Variants in RIMS4 observed in about 807,000 individuals in gnomAD.
RIMS4 encodes the protein regulating synaptic membrane exocytosis 4.
A neutral mutation model predicts 29.0 loss-of-function variants in RIMS4; 9 were observed. The observed-to-expected ratio is 0.31, with a 90% confidence interval of 0.19 to 0.54. The LOEUF (loss-of-function observed/expected upper bound fraction) is 0.54, where lower values mean the gene tolerates loss of function less well. Among genes scored for constraint, RIMS4 ranks in the 20% least tolerant of loss-of-function variants. The pLI is 0.94. For synonymous variants in RIMS4, 130 were observed against 152.9 expected (o/e 0.85, Z 1.10); for missense variants, 193 against 365.7 (o/e 0.53, Z 3.85).
At position 44,810,221 on chromosome 20, in the gene RIMS4, G is replaced by A. The variant is rs1382120290; in HGVS notation, c.51C>T (p.Leu17=). 4.4e-6 allele frequency: 7 copies of A among 1,579,680 alleles called. 1 individual carries two copies. In the Admixed American group the frequency reaches 1.0e-4, roughly 23 times the overall value. The part of the protein sequence containing the change: ...RLSLSASFEA[L]AIYFPCMNSF... ...AGTTCATGCACGGGAAGTAGATGGC[G>A]AGCGCCTCGAAGGAGGCGGACAGAC... is the stretch of plus-strand genomic sequence containing the variant. The change falls in exon 1 of 6, where the codon CTC becomes CTT. Residue 17 remains leucine (L), a synonymous_variant. Coordinates refer to ENST00000372851, the MANE Select transcript of RIMS4 (RefSeq NM_182970.4).
intron 1 of RIMS4, among the ~76,000 whole-genome samples, chr20:44,803,454 G>C (rs1295010790): frequency 2.6e-5 from 4 of 152,186 alleles, no homozygotes; most frequent in Non-Finnish European, 4.4e-5. Context: ...GGTCCATCCA[G>C]AGAAGGCAGC....
chr20:44,803,282 A>C (rs540813006), intron 1 of RIMS4, among the ~76,000 whole-genome samples: 1 of 152,362 alleles, frequency 6.6e-6, no homozygotes, highest in Admixed American at 6.5e-5. Context: ...ACCTGGACTC[A>C]GAGGTCAGAG....
intron 2 of RIMS4, among the ~76,000 whole-genome samples, chr20:44,759,775 G>A (rs930626050): frequency 6.6e-6 from 1 of 152,254 alleles, no homozygotes; most frequent in Non-Finnish European, 1.5e-5. Context: ...CCTGCCCTCA[G>A]GCAAAACCCA....
intron 1 of RIMS4, among the ~76,000 whole-genome samples, chr20:44,782,480 T>C (rs1159364462): frequency 6.6e-6 from 1 of 152,154 alleles, no homozygotes; most frequent in East Asian, 1.9e-4. Context: ...TTTCACCATG[T>C]TGGCCAGTTT....
chr20:44,759,276 G>A (rs754919925), intron 2 of RIMS4, among the ~76,000 whole-genome samples: 1 of 151,930 alleles, frequency 6.6e-6, no homozygotes, highest in Non-Finnish European at 1.5e-5. Flanking sequence ...TTGAGACAGA[G>A]TTTCCCTCTG....
At chr20:44,762,918 C>T (rs1246028192) in intron 2 of RIMS4, among the ~76,000 whole-genome samples, 3 of 152,224 alleles carry the variant, frequency 2.0e-5, no homozygotes, top group Admixed American at 2.0e-4. Context: ...TTTCAATGTT[C>T]TTATCTGCAA....
intron 1 of RIMS4, among the ~76,000 whole-genome samples, chr20:44,807,796 T>C (rs6031807): frequency 0.25 from 38,712 of 151,978 alleles, 6,690 homozygotes; most frequent in African/African-American, 0.49. Flanking sequence ...ATTCATTATT[T>C]TTCCGGAAAT....
At chr20:44,806,406 G>A (rs936700605) in intron 1 of RIMS4, among the ~76,000 whole-genome samples, 2 of 152,200 alleles carry the variant, frequency 1.3e-5, no homozygotes, top group Admixed American at 6.5e-5. Flanking sequence ...AGGAAGAGCA[G>A]GGAACCAGTG....
intron 1 of RIMS4, among the ~76,000 whole-genome samples, chr20:44,789,698 A>G (rs1359039814): frequency 1.3e-5 from 2 of 152,108 alleles, no homozygotes; most frequent in African/African-American, 2.4e-5. Flanking sequence ...TAGGACTATA[A>G]GCACACGCCA....
chr20:44,774,210 C>G (rs1601027952), intron 1 of RIMS4, among the ~76,000 whole-genome samples: 1 of 152,178 alleles, frequency 6.6e-6, no homozygotes, highest in Non-Finnish European at 1.5e-5. Flanking sequence ...ATCCATCCCA[C>G]GTGGCTGAGA....
chr20:44,752,926 C>G lies in RIMS4; in HGVS notation c.*3208G>C, dbSNP rs1259498496. The stretch of plus-strand genomic sequence containing the variant: ...AGCCCCCAAGGAGAGCTGAGTCTCC[C>G]TGGCAACCCTCTCCCCCAGACCCAG... On this transcript the variant is annotated 3_prime_UTR_variant, in exon 6 of 6. Coordinates refer to ENST00000372851, the MANE Select transcript of RIMS4 (RefSeq NM_182970.4). The G allele has an allele frequency of 6.5e-6, 1 of 152,810 alleles. No homozygotes were observed. The highest frequency in any genetic ancestry group is 1.5e-5 in the Non-Finnish European group (1 of 68,466). The allele number at this position is 152,810 out of a possible 1,614,324, so 9.5% of individuals were successfully genotyped here. A position where few individuals can be genotyped will look rare whatever the true frequency, so the allele number is the denominator to read the frequency against.
At chr20:44,794,924 A>C (rs540511016) in intron 1 of RIMS4, among the ~76,000 whole-genome samples, 23 of 152,188 alleles carry the variant, frequency 1.5e-4, no homozygotes, top group African/African-American at 1.9e-4. Flanking sequence ...AGATTGGCAA[A>C]CCCCAAATCT....
intron 1 of RIMS4, among the ~76,000 whole-genome samples, chr20:44,795,390 C>G (rs1032624328): frequency 2.0e-5 from 3 of 152,172 alleles, no homozygotes; most frequent in Non-Finnish European, 2.9e-5. Flanking sequence ...AATCCCAGCA[C>G]TTTGGGAGGC....
chr20:44,764,255 C>CATCCATCCATCCATCCA (rs1325046131), intron 2 of RIMS4, among the ~76,000 whole-genome samples: 95 of 144,270 alleles, frequency 6.6e-4, no homozygotes, highest in African/African-American at 1.4e-3. Context: ...TCCATCCATC[C>CATCCATCCATCCATCCA]TCCCACAAAC....
chr20:44,775,272 C>T (rs541084827), intron 1 of RIMS4, among the ~76,000 whole-genome samples: 85 of 152,206 alleles, frequency 5.6e-4, no homozygotes, highest in Non-Finnish European at 1.0e-3. Flanking sequence ...ACAATGTGAT[C>T]CTCCTCCAAG....
In RIMS4 at chr20:44,756,892, C is replaced by A; in HGVS notation, c.591+6G>T. On this transcript the variant is annotated splice_donor_region_variant and intron_variant, in intron 5 of 5. Transcript: ENST00000372851. The surrounding 1 kb of genome is among the most constrained non-coding windows in gnomAD (Gnocchi z 5.9). ...ACACACACGTGAGCGCGTCAATGCCCCTCACCTGGAGGACTTTGCCCTGGG... is the reference window on the plus strand; with the variant it reads ...ACACACACGTGAGCGCGTCAATGCCACTCACCTGGAGGACTTTGCCCTGGG... 6.2e-7 allele frequency: 1 copy of A among 1,613,526 alleles called. No individual in the cohort carries two copies. Among genetic ancestry groups the A allele is most frequent in the South Asian group, 1.1e-5 (1 of 90,998 alleles).
intron 1 of RIMS4, among the ~76,000 whole-genome samples, chr20:44,800,432 G>A (rs1427647354): frequency 2.0e-5 from 3 of 152,040 alleles, no homozygotes; most frequent in Non-Finnish European, 4.4e-5. Context: ...TGGGACATGA[G>A]GATCAGAAGA....
In RIMS4 at chr20:44,755,008, C is replaced by T. The variant is rs915616690; in HGVS notation, c.*1126G>A. 1.4e-4 allele frequency: 21 copies of T among 152,728 alleles called. No homozygotes were observed. The highest frequency in any genetic ancestry group is 4.8e-4 in the African/African-American group (20 of 41,462). 9.5% of individuals were successfully genotyped at this position (152,728 alleles called of 1,614,324 possible). A position where few individuals can be genotyped will look rare whatever the true frequency, so the allele number is the denominator to read the frequency against. ...CAGGCCTGCTGGAAAAGGAATCTCC[C>T]AGTTCTTACACTCACGCCTCTTCAC... On this transcript the variant is annotated 3_prime_UTR_variant, in exon 6 of 6. Transcript: ENST00000372851.
intron 2 of RIMS4, among the ~76,000 whole-genome samples, chr20:44,762,733 G>T (rs1177477885): frequency 1.3e-5 from 2 of 152,192 alleles, no homozygotes; most frequent in Non-Finnish European, 2.9e-5. Context: ...GTCCTCCTGG[G>T]GGCTGGAGGA....
Sources: gnomAD v4.1 joint callset for allele counts (sites outside exome capture counted in the v4.1 genomes callset) on GRCh38, gnomAD v4.1.1 for gene constraint, Gnocchi (gnomAD v3.1) non-coding constraint, MANE v1.5 for transcripts, NCBI Gene and HGNC (gene_info 2026-07-23, HGNC 2026-07-21) for gene names.